The following NRG3 variants were observed in gnomAD, a reference collection of about 807,000 sequenced individuals.
NRG3 encodes the protein pro-neuregulin-3, membrane-bound isoform.
In NRG3, 31 loss-of-function variants were observed where a neutral mutation model predicts 66.9. The ratio of observed to expected loss-of-function variants is 0.46; its 90% CI spans 0.35 to 0.63. The LOEUF (loss-of-function observed/expected upper bound fraction) is 0.63. Among genes scored for constraint, NRG3 ranks in the 20% least tolerant of loss-of-function variants. The pLI is 0.00. For missense variants in NRG3, 910 were observed against 878.9 expected (o/e 1.04, Z -0.45); for synonymous variants, 393 against 359.4 (o/e 1.09, Z -1.06).
chr10:82,164,284 A>G (rs1564623334), intron 1 of NRG3, among the ~76,000 whole-genome samples: 1 of 152,134 alleles, frequency 6.6e-6, no homozygotes, highest in Non-Finnish European at 1.5e-5. Flanking sequence ...TGTTACATGC[A>G]TAGAATGTGT....
intron 8 of NRG3, among the ~76,000 whole-genome samples, chr10:82,984,586 T>C (rs1853260440): frequency 6.6e-6 from 1 of 152,196 alleles, no homozygotes; most frequent in African/African-American, 2.4e-5. Flanking sequence ...AAACTCTTGA[T>C]TGTAGTACCT....
intron 1 of NRG3, among the ~76,000 whole-genome samples, chr10:82,254,276 A>G (rs1389375956): frequency 9.2e-5 from 14 of 152,220 alleles, no homozygotes; most frequent in Admixed American, 9.2e-4. Flanking sequence ...TCTTATAAAC[A>G]TTTAATTCAC....
intron 1 of NRG3, among the ~76,000 whole-genome samples, chr10:82,101,360 T>C (rs2066711139): frequency 6.6e-6 from 1 of 151,878 alleles, no homozygotes; most frequent in Non-Finnish European, 1.5e-5. Context: ...ATGTTTATTA[T>C]GTATTTCCTT....
chr10:81,996,549 T>G (rs1298470547), intron 1 of NRG3, among the ~76,000 whole-genome samples: 1 of 152,212 alleles, frequency 6.6e-6, no homozygotes, highest in Non-Finnish European at 1.5e-5. Flanking sequence ...GGTCATTATC[T>G]TTTATTTCAC....
intron 1 of NRG3, among the ~76,000 whole-genome samples, chr10:82,201,697 AACC>A (rs1294475415): frequency 6.6e-6 from 1 of 152,188 alleles, no homozygotes; most frequent in Non-Finnish European, 1.5e-5. Context: ...TTGTAAAATT[AACC>A]AGTCAAGATA....
rs111993960 is a variant in NRG3, at chr10:82,701,373, G to T, written c.954-37204G>T. ...AACTTTTCCCAGCATAAATCTGTCA[G>T]TCAAGTACTCCTGCCTCTCGCTTGA... is the stretch of plus-strand genomic sequence containing the variant. On this transcript the variant is annotated intron_variant, in intron 2 of 8. Coordinates refer to ENST00000372141, the MANE Select transcript of NRG3 (RefSeq NM_001010848.4). Among the ~76,000 whole-genome samples, 786 of 152,182 alleles carry T rather than the reference G, an allele frequency of 5.2e-3. 5 individuals are homozygous for T. The highest frequency in any genetic ancestry group is 0.018 in the African/African-American group (746 of 41,504).
At chr10:82,753,148 T>C (rs1371079320) in intron 3 of NRG3, among the ~76,000 whole-genome samples, 1 of 152,228 alleles carries the variant, frequency 6.6e-6, no homozygotes, top group Non-Finnish European at 1.5e-5. Flanking sequence ...CTCTTTGACA[T>C]GACGGTTTGT....
chr10:82,229,439 G>T (rs568902334), intron 1 of NRG3, among the ~76,000 whole-genome samples: 1 of 152,090 alleles, frequency 6.6e-6, no homozygotes, highest in Non-Finnish European at 1.5e-5. Context: ...AGAAGGAAAT[G>T]ACTGTTAAGC....
chr10:82,294,431 TGAA>T (rs2079931530), intron 1 of NRG3, among the ~76,000 whole-genome samples: 1 of 138,322 alleles, frequency 7.2e-6, no homozygotes, highest in Non-Finnish European at 1.5e-5. Context: ...ATTCTACTGA[TGAA>T]GTGTGTGTGT....
intron 2 of NRG3, among the ~76,000 whole-genome samples, chr10:82,674,688 G>C (rs1388578119): frequency 1.3e-5 from 2 of 151,994 alleles, no homozygotes; most frequent in Admixed American, 6.6e-5. Context: ...GTACATTCAG[G>C]TAAAGTGAGA....
At chr10:82,802,107 G>T (rs994135075) in intron 3 of NRG3, among the ~76,000 whole-genome samples, 1 of 152,160 alleles carries the variant, frequency 6.6e-6, no homozygotes, top group African/African-American at 2.4e-5. Flanking sequence ...TCCACTAGAG[G>T]TGCGTAGTAT....
intron 4 of NRG3, among the ~76,000 whole-genome samples, chr10:82,871,939 G>A (rs192932407): frequency 3.9e-4 from 60 of 151,956 alleles, no homozygotes; most frequent in Non-Finnish European, 6.9e-4. Context: ...ACAACTTCCA[G>A]TATGATGTTG....
chr10:82,967,159 T>A (rs1851291105), intron 6 of NRG3, among the ~76,000 whole-genome samples: 1 of 148,708 alleles, frequency 6.7e-6, no homozygotes, highest in African/African-American at 2.4e-5. Context: ...ATATGTATAT[T>A]TTTAAATAAT....
At chr10:82,875,867 T>C (rs920767777) in intron 4 of NRG3, among the ~76,000 whole-genome samples, 4 of 152,186 alleles carry the variant, frequency 2.6e-5, no homozygotes, top group South Asian at 2.1e-4. Flanking sequence ...TATTGGTACC[T>C]CCTATTGGGA....
intron 1 of NRG3, among the ~76,000 whole-genome samples, chr10:81,990,608 C>T (rs1476983233): frequency 6.6e-6 from 1 of 152,072 alleles, no homozygotes; most frequent in Non-Finnish European, 1.5e-5. Context: ...CAGCAAGTAT[C>T]TTGAAGACAT....
intron 2 of NRG3, among the ~76,000 whole-genome samples, chr10:82,498,966 G>A (rs1037742062): frequency 6.6e-6 from 1 of 152,076 alleles, no homozygotes; most frequent in Non-Finnish European, 1.5e-5. Flanking sequence ...AGACTCCAGG[G>A]CATCAACAAG....
At chr10:81,909,051 G>A (rs1489287630) in intron 1 of NRG3, among the ~76,000 whole-genome samples, 1 of 152,136 alleles carries the variant, frequency 6.6e-6, no homozygotes, top group African/African-American at 2.4e-5. Flanking sequence ...TTGAAATCAA[G>A]GTGTTGGGAT....
chr10:82,169,901 G>A (rs2072429789), intron 1 of NRG3, among the ~76,000 whole-genome samples: 1 of 150,306 alleles, frequency 6.7e-6, no homozygotes, highest in South Asian at 2.1e-4. Context: ...AATGAGGTAG[G>A]ATTTTGGTTG....
chr10:82,158,583 T>G (rs1481819136), intron 1 of NRG3, among the ~76,000 whole-genome samples: 1 of 151,846 alleles, frequency 6.6e-6, no homozygotes, highest in Non-Finnish European at 1.5e-5. Context: ...CTCTGAATGA[T>G]CTGACTGTTG....
Sources: gnomAD v4.1 joint callset for allele counts (sites outside exome capture counted in the v4.1 genomes callset) on GRCh38, gnomAD v4.1.1 for gene constraint, MANE v1.5 for transcripts, NCBI Gene and HGNC (gene_info 2026-07-23, HGNC 2026-07-21) for gene names.